WDPCP: variants seen among roughly 807,000 people sequenced by gnomAD.
WDPCP encodes the protein WD repeat containing planar cell polarity effector.
In WDPCP, 71 loss-of-function variants were observed where a neutral mutation model predicts 93.1. That is an observed-to-expected ratio of 0.76 (90% CI 0.63 to 0.93). The LOEUF is 0.93. WDPCP is among the 40% of genes least tolerant of loss of function. WDPCP has a pLI of 0.00. For missense variants in WDPCP, 844 were observed against 887.4 expected (o/e 0.95, Z 0.62); for synonymous variants, 315 against 315.0 (o/e 1.00, Z 0.00).
At chr2:63,290,728 C>A (rs1684356099) in intron 13 of WDPCP, among the ~76,000 whole-genome samples, 1 of 152,128 alleles carries the variant, frequency 6.6e-6, no homozygotes, top group African/African-American at 2.4e-5. Flanking sequence ...GTTGATGATG[C>A]TGTTCCATTA....
At chr2:63,537,631 G>A (rs1239402000) in intron 1 of WDPCP, among the ~76,000 whole-genome samples, 2 of 152,038 alleles carry the variant, frequency 1.3e-5, no homozygotes, top group Non-Finnish European at 2.9e-5. Flanking sequence ...ACCTATCCCT[G>A]CTTTCCTCCC....
chr2:63,653,718 C>T (rs754028328), intron 2 of WDPCP, among the ~76,000 whole-genome samples: 15 of 152,052 alleles, frequency 9.9e-5, no homozygotes, highest in Non-Finnish European at 1.9e-4. Flanking sequence ...CGTGACCAGC[C>T]GGGCCAACAG....
chr2:63,550,210 CACACACACACACACACACACACACACACA>C (rs1472239715), intron 1 of WDPCP, among the ~76,000 whole-genome samples: 7 of 150,834 alleles, frequency 4.6e-5, no homozygotes, highest in Non-Finnish European at 7.4e-5. Context: ...CACACACACA[CACACACACACACACACACACACACACACA>C]CCCTTCCTCT....
intron 2 of WDPCP, among the ~76,000 whole-genome samples, chr2:63,740,174 A>AT (rs1669693480): frequency 6.6e-6 from 1 of 152,142 alleles, no homozygotes; most frequent in Non-Finnish European, 1.5e-5. Flanking sequence ...TGCTGCACAT[A>AT]TATGTGTACT....
chr2:63,559,923 G>C (rs1706458425), intron 1 of WDPCP, among the ~76,000 whole-genome samples: 1 of 152,106 alleles, frequency 6.6e-6, no homozygotes, highest in Non-Finnish European at 1.5e-5. Flanking sequence ...CACAGAATTA[G>C]AAAAACTACT....
At chr2:63,572,777 A>T (rs929786623) in intron 1 of WDPCP, among the ~76,000 whole-genome samples, 25 of 151,018 alleles carry the variant, frequency 1.7e-4, no homozygotes, top group Non-Finnish European at 3.4e-4. Flanking sequence ...AAAATCATGC[A>T]ATATGAGAAA....
intron 6 of WDPCP, among the ~76,000 whole-genome samples, chr2:63,449,437 C>A (rs67987962): frequency 0.19 from 29,257 of 152,074 alleles, 3,005 homozygotes; most frequent in Middle Eastern, 0.28. Context: ...AATAGAAAAT[C>A]TAGGAGAGAA....
intron 1 of WDPCP, among the ~76,000 whole-genome samples, chr2:63,562,383 T>C (rs1379785635): frequency 6.6e-6 from 1 of 152,018 alleles, no homozygotes; most frequent in East Asian, 1.9e-4. Context: ...GGGGTTGTGG[T>C]GGGAGGGAGT....
chr2:63,589,717 A>T (rs1575717152), upstream of WDPCP, among the ~76,000 whole-genome samples: 1 of 152,184 alleles, frequency 6.6e-6, no homozygotes, highest in South Asian at 2.1e-4. Context: ...AATGTAACAG[A>T]GTAACCATTT....
intron 1 of WDPCP, among the ~76,000 whole-genome samples, chr2:63,566,225 C>A (rs563082097): frequency 1.1e-4 from 16 of 152,332 alleles, no homozygotes; most frequent in African/African-American, 3.6e-4. Context: ...TTAGGGCAAA[C>A]CTGCCTCTCA....
At chr2:63,836,425 T>C in the WDPCP span, among the ~76,000 whole-genome samples, 1 of 152,218 alleles carries the variant, frequency 6.6e-6, no homozygotes, top group African/African-American at 2.4e-5. Context: ...TCACAACTCT[T>C]CTCTGTGAGG....
At chr2:63,733,492 G>A (rs995306456) in intron 2 of WDPCP, among the ~76,000 whole-genome samples, 2 of 147,078 alleles carry the variant, frequency 1.4e-5, no homozygotes, top group South Asian at 2.1e-4. Context: ...GTGAGCCACC[G>A]CGCCCGGCCG....
intron 2 of WDPCP, among the ~76,000 whole-genome samples, chr2:63,695,912 G>T (rs986460825): frequency 3.3e-5 from 5 of 151,994 alleles, no homozygotes; most frequent in African/African-American, 1.2e-4. Flanking sequence ...CCTCATCCTT[G>T]TATTCTAAAA....
chr2:63,520,854 G>A (rs1401520834), intron 1 of WDPCP, among the ~76,000 whole-genome samples: 1 of 148,008 alleles, frequency 6.8e-6, no homozygotes, highest in Non-Finnish European at 1.5e-5. Context: ...CCATGATTGT[G>A]CCACGGCACA....
chr2:63,622,717 T>C, intron 3 of WDPCP: 2 of 1,613,716 alleles, frequency 1.2e-6, no homozygotes, highest in Admixed American at 1.7e-5. Flanking sequence ...CGGTGTACTA[T>C]GTCTTCCGTC....
rs114219368 is a variant in WDPCP at position 63,466,727 on chromosome 2, G to C, written c.384+17877C>G. On this transcript the variant is annotated intron_variant, in intron 6 of 17. Transcript: ENST00000272321. Reference sequence around the variant, plus strand: ...AGACACGTGAAAAACAACAAGAGAGGAGTTAGATTATTCAGATTTGAACTC... The same window carrying C: ...AGACACGTGAAAAACAACAAGAGAGCAGTTAGATTATTCAGATTTGAACTC... Among the ~76,000 whole-genome samples the C allele has an allele frequency of 3.9e-3, 595 of 152,258 alleles. 4 individuals are homozygous for C. Among genetic ancestry groups the C allele is most frequent in the African/African-American group, 0.013 (558 of 41,538 alleles).
At chr2:63,170,276 C>CTT (rs1168550595) in intron 15 of WDPCP, among the ~76,000 whole-genome samples, 4 of 144,040 alleles carry the variant, frequency 2.8e-5, no homozygotes, top group African/African-American at 5.1e-5. Flanking sequence ...TTCTTTCTTT[C>CTT]TTTTTTTTTT....
At chr2:63,528,010 A>T (rs1233803142) in intron 1 of WDPCP, among the ~76,000 whole-genome samples, 1 of 152,004 alleles carries the variant, frequency 6.6e-6, no homozygotes, top group African/African-American at 2.4e-5. Context: ...TGGCTGCATA[A>T]ATGTCTTCTT....
At chr2:63,460,052 A>C (rs1188430227) in intron 6 of WDPCP, among the ~76,000 whole-genome samples, 1 of 152,248 alleles carries the variant, frequency 6.6e-6, no homozygotes, top group Non-Finnish European at 1.5e-5. Context: ...TCACAGCACT[A>C]TTCATAACAG....
Sources: gnomAD v4.1 joint callset for allele counts (sites outside exome capture counted in the v4.1 genomes callset) on GRCh38, gnomAD v4.1.1 for gene constraint, MANE v1.5 for transcripts, NCBI Gene and HGNC (gene_info 2026-07-23, HGNC 2026-07-21) for gene names.